The following LRRC3B variants were observed in gnomAD, a reference collection of about 807,000 sequenced individuals.
LRRC3B encodes leucine-rich repeat-containing protein 3B.
Under a neutral mutation model 12.8 loss-of-function variants are expected in LRRC3B, and 2 were observed. The observed-to-expected ratio is 0.16, with a 90% CI of 0.06 to 0.49. LRRC3B has a LOEUF of 0.49. LRRC3B is among the 20% of genes least tolerant of loss of function. LRRC3B has a pLI of 0.96. For synonymous variants in LRRC3B, 132 were observed against 122.0 expected (o/e 1.08, Z -0.54); for missense variants, 189 against 319.4 (o/e 0.59, Z 3.11).
rs574506239 is a variant in LRRC3B at position 26,643,774 on chromosome 3, G to A, written c.-161+20537G>A. Among the ~76,000 whole-genome samples the A allele has an allele frequency of 2.6e-5, 4 of 152,304 alleles. No homozygotes were observed. The East Asian group carries it at 7.7e-4, about 29-fold the overall frequency. On this transcript the variant is annotated intron_variant, in intron 1 of 1. Transcript: ENST00000396641. ...GGATGCAGTGAGTCTGATGTCAGGG[G>A]ACTATATATAGCAGCTGCAAGTCTC...
intron 1 of LRRC3B, among the ~76,000 whole-genome samples, chr3:26,631,528 G>A (rs1698757059): frequency 6.6e-6 from 1 of 152,204 alleles, no homozygotes. Flanking sequence ...GGGAACTGTG[G>A]TCATGGAGTG....
At chr3:26,632,863 T>C (rs1698787726) in intron 1 of LRRC3B, among the ~76,000 whole-genome samples, 1 of 152,148 alleles carries the variant, frequency 6.6e-6, no homozygotes, top group Non-Finnish European at 1.5e-5. Context: ...CCCTGTGCTC[T>C]GGTGTGTTCG....
chr3:26,685,292 T>A (rs1365827627), intron 1 of LRRC3B, among the ~76,000 whole-genome samples: 2 of 151,840 alleles, frequency 1.3e-5, no homozygotes, highest in Admixed American at 6.6e-5. Flanking sequence ...GCGGGTTTCA[T>A]GTTTGTTCAT....
exon 2 of LRRC3B, chr3:26,710,472 T>C: frequency 6.5e-7 from 1 of 1,535,888 alleles, no homozygotes; most frequent in Non-Finnish European, 8.8e-7. Context: ...TGACTGTCAT[T>C]GAGAAAGAAA....
intron 1 of LRRC3B, among the ~76,000 whole-genome samples, chr3:26,658,901 G>T (rs1386109072): frequency 6.6e-6 from 1 of 152,216 alleles, no homozygotes; most frequent in Non-Finnish European, 1.5e-5. Context: ...CTGAAAAAAG[G>T]ATTGTTAACT....
At chr3:26,671,363 T>TAGAGAGAGAG (rs1168867674) in intron 1 of LRRC3B, among the ~76,000 whole-genome samples, 6 of 46,256 alleles carry the variant, frequency 1.3e-4, no homozygotes, top group Admixed American at 3.5e-4. Flanking sequence ...TATATATATA[T>TAGAGAGAGAG]ATATATATAT....
intron 1 of LRRC3B, among the ~76,000 whole-genome samples, chr3:26,643,015 C>CAAAAAAAAA (rs745665933): frequency 7.0e-6 from 1 of 142,548 alleles, no homozygotes; most frequent in East Asian, 2.1e-4. Flanking sequence ...GACTCCGTTT[C>CAAAAAAAAA]AAAAAAAAAA....
At chr3:26,648,991 T>G (rs538159644) in intron 1 of LRRC3B, among the ~76,000 whole-genome samples, 1 of 152,346 alleles carries the variant, frequency 6.6e-6, no homozygotes, top group East Asian at 1.9e-4. Flanking sequence ...GAGCTTTGTT[T>G]GAAGAAAGAG....
chr3:26,638,410 G>A (rs560424217), intron 1 of LRRC3B, among the ~76,000 whole-genome samples: 62 of 151,948 alleles, frequency 4.1e-4, no homozygotes, highest in African/African-American at 1.3e-3. Flanking sequence ...AAGGGTCAAC[G>A]GAAAAAAAAA....
At chr3:26,646,293 C>T (rs1020180392) in intron 1 of LRRC3B, among the ~76,000 whole-genome samples, 1 of 152,104 alleles carries the variant, frequency 6.6e-6, no homozygotes, top group South Asian at 2.1e-4. Flanking sequence ...TCTGCTTTTA[C>T]TAATTCAATA....
At chr3:26,654,778 A>G (rs1302114735) in intron 1 of LRRC3B, among the ~76,000 whole-genome samples, 2 of 152,204 alleles carry the variant, frequency 1.3e-5, no homozygotes, top group African/African-American at 2.4e-5. Context: ...CATAGGCAAA[A>G]ATAATCACTG....
chr3:26,636,998 CTCTTTCTT>C (rs1260034376), intron 1 of LRRC3B, among the ~76,000 whole-genome samples: 1 of 128,064 alleles, frequency 7.8e-6, no homozygotes, highest in Non-Finnish European at 1.6e-5. Flanking sequence ...CTCTCTTTCT[CTCTTTCTT>C]TCTTTCTTTT....
At chr3:26,667,485 GC>G (rs1320939263) in intron 1 of LRRC3B, among the ~76,000 whole-genome samples, 1 of 152,104 alleles carries the variant, frequency 6.6e-6, no homozygotes, top group Non-Finnish European at 1.5e-5. Context: ...TAGAAAGGGA[GC>G]TACTGAAACT....
At chr3:26,700,082 A>G (rs1399600315) in intron 1 of LRRC3B, among the ~76,000 whole-genome samples, 1 of 152,168 alleles carries the variant, frequency 6.6e-6, no homozygotes, top group Non-Finnish European at 1.5e-5. Flanking sequence ...TTCTTTCCCA[A>G]TATATTGAGG....
intron 1 of LRRC3B, among the ~76,000 whole-genome samples, chr3:26,635,407 A>G (rs1241189032): frequency 1.3e-5 from 2 of 152,200 alleles, no homozygotes; most frequent in African/African-American, 2.4e-5. Flanking sequence ...TTGGGAAGTA[A>G]TTAGATCTAG....
chr3:26,641,890 C>T (rs183430820), intron 1 of LRRC3B, among the ~76,000 whole-genome samples: 24 of 152,178 alleles, frequency 1.6e-4, no homozygotes, highest in African/African-American at 4.8e-4. Context: ...TTAAAGAGGT[C>T]TTGTTCATGT....
intron 1 of LRRC3B, among the ~76,000 whole-genome samples, chr3:26,626,908 G>C (rs1206480784): frequency 1.3e-5 from 2 of 152,150 alleles, no homozygotes; most frequent in Non-Finnish European, 2.9e-5. Flanking sequence ...CCAGGTATTT[G>C]TGAAAATAAC....
chr3:26,671,042 G>A, intron 1 of LRRC3B, among the ~76,000 whole-genome samples: 1 of 121,172 alleles, frequency 8.3e-6, no homozygotes, highest in Non-Finnish European at 1.6e-5. Context: ...TTGAGACGGA[G>A]TCTCGCTCTG....
intron 1 of LRRC3B, among the ~76,000 whole-genome samples, chr3:26,660,450 A>G (rs1176336965): frequency 1.3e-5 from 2 of 151,184 alleles, no homozygotes; most frequent in Non-Finnish European, 2.9e-5. Flanking sequence ...TAGAACAAAG[A>G]TTAAGTGATT....
Sources: allele counts gnomAD v4.1 joint callset (sites outside exome capture counted in the v4.1 genomes callset), GRCh38; gene constraint gnomAD v4.1.1; transcripts MANE v1.5; gene names NCBI Gene and HGNC (gene_info 2026-07-23, HGNC 2026-07-21).